Variants in DOCK10 observed in about 807,000 individuals in gnomAD.
DOCK10 encodes dedicator of cytokinesis protein 10.
In DOCK10, 145 loss-of-function variants were observed where a neutral mutation model predicts 280.1. That is an observed-to-expected ratio of 0.52 (90% CI 0.45 to 0.59). The LOEUF is 0.59. DOCK10 is among the 20% of genes least tolerant of loss of function. DOCK10 has a pLI of 0.00. For synonymous variants in DOCK10, 915 were observed against 942.2 expected, an observed-to-expected ratio of 0.97 and a Z score of 0.53; for missense variants, 2,368 against 2,651.7, an observed-to-expected ratio of 0.89 and a Z score of 2.35.
intron 7 of DOCK10, among the ~76,000 whole-genome samples, chr2:224,884,434 C>T (rs1337337678): frequency 6.6e-6 from 1 of 152,142 alleles, no homozygotes; most frequent in African/African-American, 2.4e-5. Flanking sequence ...CCTCAGTGAG[C>T]CAGTGCCATT....
chr2:224,869,801 T>C lies in DOCK10; in HGVS notation c.1257+4195A>G, dbSNP rs78386402. Among the ~76,000 whole-genome samples, 1,056 of 152,220 alleles carry C rather than the reference T, an allele frequency of 6.9e-3. 10 individuals are homozygous for C. Among genetic ancestry groups the C allele is most frequent in the Non-Finnish European group, 0.011 (780 of 68,004 alleles). ...CAAACATTTGGCTTCTGAATATGGG[T>C]CTTAGTACAAAGAAAGGAATTCACG... On this transcript the variant is annotated intron_variant, in intron 11 of 55. Coordinates refer to ENST00000258390, the MANE Select transcript of DOCK10 (RefSeq NM_014689.3).
Position 224,982,558 on chromosome 2 carries a change from G to A in DOCK10, c.124-50890C>T, listed in dbSNP as rs1705805417. 5 of 1,206,838 alleles carry A rather than the reference G, an allele frequency of 4.1e-6. No homozygotes were observed. In the African/African-American group the frequency reaches 7.8e-5, roughly 19 times the overall value. 74.8% of individuals were successfully genotyped at this position (1,206,838 alleles called of 1,614,324 possible). ...CAGAGATGGGAAAGATTTGATCCAC[G>A]GAAACTGAACACACTCAGGAATATT... On this transcript the variant is annotated intron_variant, in intron 1 of 55. Transcript: ENST00000258390.
At chr2:225,011,892 G>A (rs986614010) in intron 1 of DOCK10, among the ~76,000 whole-genome samples, 1 of 152,254 alleles carries the variant, frequency 6.6e-6, no homozygotes, top group Admixed American at 6.5e-5. Flanking sequence ...ATGCCCCAAC[G>A]AGAACATCAT....
intron 1 of DOCK10, among the ~76,000 whole-genome samples, chr2:225,038,724 C>T (rs1462341595): frequency 6.6e-6 from 1 of 152,122 alleles, no homozygotes. Context: ...ATTAAAAGTG[C>T]ATGTAACTAA....
intron 1 of DOCK10, among the ~76,000 whole-genome samples, chr2:225,037,363 A>G (rs1244515109): frequency 1.3e-5 from 2 of 152,192 alleles, no homozygotes; most frequent in Admixed American, 1.3e-4. Context: ...GAATTCTCAC[A>G]GGTACTCTGA....
chr2:225,002,061 G>C (rs1706445457), intron 1 of DOCK10, among the ~76,000 whole-genome samples: 1 of 152,170 alleles, frequency 6.6e-6, no homozygotes, highest in Admixed American at 6.5e-5. Flanking sequence ...ATTCCATATG[G>C]CTTCTCAGAG....
At chr2:224,769,062 G>T in intron 55 of DOCK10, 1 of 387,908 alleles carries the variant, frequency 2.6e-6, no homozygotes, top group South Asian at 1.9e-5. Context: ...TCCATCATTT[G>T]TTCTTTTTAT....
intron 1 of DOCK10, among the ~76,000 whole-genome samples, chr2:225,019,915 C>G: frequency 6.6e-6 from 1 of 152,306 alleles, no homozygotes; most frequent in East Asian, 1.9e-4. Flanking sequence ...ATTGACAAAG[C>G]TGAACCAACA....
intron 51 of DOCK10, among the ~76,000 whole-genome samples, chr2:224,777,128 A>G (rs1253362998): frequency 6.6e-6 from 1 of 152,248 alleles, no homozygotes; most frequent in African/African-American, 2.4e-5. Flanking sequence ...GTGTAAGAAG[A>G]TGCTGAGTAA....
chr2:224,961,944 C>A (rs1248656495), intron 1 of DOCK10, among the ~76,000 whole-genome samples: 1 of 152,176 alleles, frequency 6.6e-6, no homozygotes, highest in Non-Finnish European at 1.5e-5. Flanking sequence ...TCAGTGACAT[C>A]TTCTCCAGGG....
chr2:225,042,280 A>G lies in DOCK10; in HGVS notation c.95T>C (p.Val32Ala), dbSNP rs1397216321. The G allele has an allele frequency of 1.3e-5, 17 of 1,336,410 alleles. No individual in the cohort carries two copies. The highest frequency in any genetic ancestry group is 1.5e-5 in the African/African-American group (1 of 65,616). The allele number at this position is 1,336,410 out of a possible 1,614,324, so 82.8% of individuals were successfully genotyped here. A position where few individuals can be genotyped will look rare whatever the true frequency, so the allele number is the denominator to read the frequency against. The change falls in exon 1 of 56, where the codon GTG becomes GCG. Residue 32 changes from valine to alanine, a missense_variant. Physicochemically the swap from Val to Ala is moderately conservative, Grantham distance 64 (BLOSUM62 0). Around this residue, in one of 2 missense-constraint regions of DOCK10, gnomAD observed 1,209 missense variants for 1,250.9 expected, o/e 0.97. Coordinates refer to ENST00000258390, the MANE Select transcript of DOCK10 (RefSeq NM_014689.3). This position sits in a 1 kb window ranked among gnomAD's most constrained non-coding sequence, Gnocchi z 5.1. ...CTGCTGCTGCCGGCTGCTGACTGCCACCGCGGCGGCGGACGCGGCGCTGTG... is the reference window on the plus strand; with the variant it reads ...CTGCTGCTGCCGGCTGCTGACTGCCGCCGCGGCGGCGGACGCGGCGCTGTG... Reference protein sequence around the residue: ...LRHSAASAAAVAVSSRQQQRQ... With the variant: ...LRHSAASAAAAAVSSRQQQRQ...
Position 224,881,480 on chromosome 2 carries a change from T to C in DOCK10, c.747+4191A>G, listed in dbSNP as rs1226886524. Reference sequence around the variant, plus strand: ...TTTCTGCCCACATAGCTTATGTAGGTAGAATAAATGTATGTATGTGGGTAT... The same window carrying C: ...TTTCTGCCCACATAGCTTATGTAGGCAGAATAAATGTATGTATGTGGGTAT... On this transcript the variant is annotated intron_variant, in intron 7 of 55. Transcript: ENST00000258390. Among the ~76,000 whole-genome samples the C allele has an allele frequency of 3.3e-5, 5 of 152,326 alleles. No individual in the cohort carries two copies. The East Asian group carries it at 9.6e-4, about 29-fold the overall frequency.
At position 224,793,270 on chromosome 2, in the gene DOCK10, G is replaced by A. The variant is rs1574831494; in HGVS notation, c.5212+130C>T. 8.6e-6 allele frequency: 7 copies of A among 815,972 alleles called. No individual in the cohort carries two copies. The East Asian group carries it at 1.9e-4, about 22-fold the overall frequency. 50.5% of individuals were successfully genotyped at this position (815,972 alleles called of 1,614,324 possible). ...AAATGTTTAAAGTACAGCATAATTA[G>A]AAGTATCTGTGAAAGCGATTATTAC... On this transcript the variant is annotated intron_variant, in intron 46 of 55. Transcript: ENST00000258390.
chr2:224,897,851 C>T (rs1700073610), intron 3 of DOCK10, among the ~76,000 whole-genome samples: 1 of 152,126 alleles, frequency 6.6e-6, no homozygotes, highest in African/African-American at 2.4e-5. Context: ...CTACCATGCA[C>T]CTAGCACTGT....
At chr2:224,781,797 C>T (rs1440538233) in intron 50 of DOCK10, among the ~76,000 whole-genome samples, 8 of 152,202 alleles carry the variant, frequency 5.3e-5, no homozygotes, top group Non-Finnish European at 7.3e-5. Context: ...TAAGGCAATA[C>T]ATTATGGTAA....
At chr2:225,035,542 T>TAA (rs1415059109) in intron 1 of DOCK10, among the ~76,000 whole-genome samples, 1 of 50,030 alleles carries the variant, frequency 2.0e-5, no homozygotes, top group Non-Finnish European at 3.9e-5. Context: ...ATGATATATA[T>TAA]TATATATATA....
intron 51 of DOCK10, among the ~76,000 whole-genome samples, chr2:224,777,420 A>G (rs1690955048): frequency 6.6e-6 from 1 of 152,178 alleles, no homozygotes; most frequent in Non-Finnish European, 1.5e-5. Flanking sequence ...AGCTAGGATA[A>G]AAGTAGGCAG....
intron 3 of DOCK10, among the ~76,000 whole-genome samples, chr2:224,914,173 C>G (rs980441631): frequency 2.0e-5 from 3 of 152,150 alleles, no homozygotes; most frequent in Admixed American, 2.0e-4. Flanking sequence ...GGCCACTCTT[C>G]CCCAGAGACT....
At chr2:225,036,332 C>T (rs1048400535) in intron 1 of DOCK10, among the ~76,000 whole-genome samples, 2 of 152,112 alleles carry the variant, frequency 1.3e-5, no homozygotes, top group African/African-American at 4.8e-5. Context: ...TGAACTAAAT[C>T]CCATTTTCGT....
Sources: gnomAD v4.1 joint callset for allele counts (sites outside exome capture counted in the v4.1 genomes callset) on GRCh38, gnomAD v4.1.1 for gene constraint, gnomAD v4.1.1 regional missense constraint, Gnocchi (gnomAD v3.1) non-coding constraint, MANE v1.5 for transcripts, NCBI Gene and HGNC (gene_info 2026-07-23, HGNC 2026-07-21) for gene names.